ARK2C: variants seen among roughly 807,000 people sequenced by gnomAD.
ARK2C encodes the protein arkadia (RNF111) C-terminal like ring finger ubiquitin ligase 2C, also known as E3 ubiquitin-protein ligase ARK2C.
chr18:46,432,807 C>T, the ARK2C span, among the ~76,000 whole-genome samples: 11 of 152,140 alleles, frequency 7.2e-5, no homozygotes, highest in South Asian at 6.2e-4. Flanking sequence ...TAGCCGGGCG[C>T]GGTGGCGGGC....
chr18:46,364,375 A>G, the ARK2C span, among the ~76,000 whole-genome samples: 1 of 150,100 alleles, frequency 6.7e-6, no homozygotes, highest in African/African-American at 2.5e-5. Flanking sequence ...AACATTAAAC[A>G]AAACATGTTT....
chr18:46,415,543 TA>T, the ARK2C span, among the ~76,000 whole-genome samples: 1 of 150,970 alleles, frequency 6.6e-6, no homozygotes, highest in Admixed American at 6.6e-5. Context: ...ATAAAAAAAA[TA>T]AAAAAATAAA....
the ARK2C span, among the ~76,000 whole-genome samples, chr18:46,374,408 C>T: frequency 0.32 from 48,908 of 152,010 alleles, 9,099 homozygotes; most frequent in East Asian, 0.53. Flanking sequence ...CCATTAAACA[C>T]GAACTCCCCA....
chr18:46,408,540 CA>C, the ARK2C span, among the ~76,000 whole-genome samples: 1 of 152,248 alleles, frequency 6.6e-6, no homozygotes, highest in Non-Finnish European at 1.5e-5. Context: ...CGTAGTCAAA[CA>C]GAGTTAAGGT....
the ARK2C span, among the ~76,000 whole-genome samples, chr18:46,367,890 A>C: frequency 2.0e-5 from 3 of 152,216 alleles, no homozygotes; most frequent in Non-Finnish European, 4.4e-5. Flanking sequence ...TGGTGCAGGC[A>C]TCTGTACTTT....
chr18:46,356,142 T>A, the ARK2C span, among the ~76,000 whole-genome samples: 1 of 152,232 alleles, frequency 6.6e-6, no homozygotes, highest in African/African-American at 2.4e-5. Flanking sequence ...CCTCACTCTG[T>A]GATATGCAGA....
chr18:46,384,853 C>T, the ARK2C span, among the ~76,000 whole-genome samples: 1 of 152,110 alleles, frequency 6.6e-6, no homozygotes, highest in Non-Finnish European at 1.5e-5. Flanking sequence ...CCTGTCTCTA[C>T]AAAAATAAAA....
the ARK2C span, among the ~76,000 whole-genome samples, chr18:46,434,412 G>A: frequency 6.6e-6 from 1 of 152,094 alleles, no homozygotes; most frequent in East Asian, 1.9e-4. Flanking sequence ...TATAAATTTA[G>A]TGAGAAGAAT....
the ARK2C span, among the ~76,000 whole-genome samples, chr18:46,391,984 C>T: frequency 2.6e-5 from 4 of 151,534 alleles, no homozygotes; most frequent in South Asian, 2.1e-4. Context: ...CAACACACCA[C>T]GTACACACAT....
chr18:46,399,233 G>A, the ARK2C span, among the ~76,000 whole-genome samples: 2 of 152,200 alleles, frequency 1.3e-5, no homozygotes, highest in African/African-American at 2.4e-5. Flanking sequence ...ACAGGCGGTG[G>A]GGGTGGGACT....
chr18:46,391,481 C>T, the ARK2C span, among the ~76,000 whole-genome samples: 4 of 152,116 alleles, frequency 2.6e-5, no homozygotes, highest in East Asian at 5.8e-4. Context: ...CCTCAGTGTC[C>T]TCATCCGTCA....
At chr18:46,417,084 C>G in the ARK2C span, among the ~76,000 whole-genome samples, 2 of 152,232 alleles carry the variant, frequency 1.3e-5, no homozygotes, top group African/African-American at 4.8e-5. Flanking sequence ...TGTCCTCTGT[C>G]TCTCAGGTTT....
At chr18:46,373,955 CT>C in the ARK2C span, among the ~76,000 whole-genome samples, 2 of 152,048 alleles carry the variant, frequency 1.3e-5, no homozygotes, top group Non-Finnish European at 2.9e-5. Context: ...GACAAAGGGG[CT>C]GTGTGGCACC....
the ARK2C span, chr18:46,461,143 C>T: frequency 1.3e-5 from 2 of 152,276 alleles, no homozygotes; most frequent in South Asian, 2.1e-4. Flanking sequence ...ACTGGGGAGC[C>T]GGGAGGCTCA....
chr18:46,379,944 G>T, the ARK2C span, among the ~76,000 whole-genome samples: 1 of 152,218 alleles, frequency 6.6e-6, no homozygotes. Context: ...TCTGCTGGCT[G>T]GCTTCATCTT....
chr18:46,370,812 C>T, the ARK2C span, among the ~76,000 whole-genome samples: 6 of 152,172 alleles, frequency 3.9e-5, no homozygotes, highest in East Asian at 1.2e-3. Flanking sequence ...ATTTGGGAGG[C>T]CAAGATCCTA....
At chr18:46,370,210 C>T in the ARK2C span, among the ~76,000 whole-genome samples, 1 of 152,312 alleles carries the variant, frequency 6.6e-6, no homozygotes, top group East Asian at 1.9e-4. Context: ...GGACCAGGCT[C>T]ATCTAAGGGG....
At chr18:46,416,280 A>G in the ARK2C span, among the ~76,000 whole-genome samples, 1 of 152,140 alleles carries the variant, frequency 6.6e-6, no homozygotes, top group African/African-American at 2.4e-5. Context: ...AGGCATTTAA[A>G]GCTCTTCTGG....
At chr18:46,341,328 G>A in the ARK2C span, among the ~76,000 whole-genome samples, 1 of 146,384 alleles carries the variant, frequency 6.8e-6, no homozygotes, top group East Asian at 2.0e-4. Flanking sequence ...GAGGGGGGTG[G>A]GACAGGCGTG....
Sources: gnomAD v4.1 joint callset for allele counts (sites outside exome capture counted in the v4.1 genomes callset) on GRCh38, gnomAD v4.1.1 for gene constraint, MANE v1.5 for transcripts, NCBI Gene and HGNC (gene_info 2026-07-23, HGNC 2026-07-21) for gene names.